Variants in SYN3 observed in about 807,000 individuals in gnomAD.
The protein encoded by SYN3 is synapsin III.
Under a neutral mutation model 65.8 loss-of-function variants are expected in SYN3, and 35 were observed. The observed-to-expected ratio is 0.53, with a 90% CI of 0.41 to 0.70. The LOEUF (loss-of-function observed/expected upper bound fraction) is 0.70, where lower values mean the gene tolerates loss of function less well. SYN3 is among the 30% of genes least tolerant of loss of function. The probability of loss-of-function intolerance (pLI) is 0.00; values close to 1 mark genes in which losing one functional copy is unlikely to be tolerated. For synonymous variants in SYN3, 270 were observed against 292.9 expected (o/e 0.92, Z 0.80); for missense variants, 680 against 749.0 (o/e 0.91, Z 1.08).
In SYN3 at chr22:32,510,697, A is replaced by G. The variant is rs1407427937; in HGVS notation, c.*2995T>C. 6.6e-6 allele frequency among the ~76,000 whole-genome samples: 1 copy of G among 152,154 alleles called. No homozygotes were observed. Among genetic ancestry groups the G allele is most frequent in the East Asian group, 1.9e-4 (1 of 5,192 alleles). ...AACTCCTATAGCTCTCTGTGCTTGA[A>G]TCTTGTAACAGGCTGCTCTTATAAG... On this transcript the variant is annotated 3_prime_UTR_variant, in exon 14 of 14. Coordinates refer to ENST00000358763, the MANE Select transcript of SYN3 (RefSeq NM_003490.4).
At chr22:32,650,279 C>CTTTTTTTTTTTTTTTTTT (rs1371405589) in intron 6 of SYN3, among the ~76,000 whole-genome samples, 2 of 111,818 alleles carry the variant, frequency 1.8e-5, no homozygotes, top group African/African-American at 7.3e-5. Flanking sequence ...CTCTCTCTTT[C>CTTTTTTTTTTTTTTTTTT]TTTTTGAGAC....
At chr22:32,517,718 A>C (rs1256482032) in intron 13 of SYN3, among the ~76,000 whole-genome samples, 2 of 152,216 alleles carry the variant, frequency 1.3e-5, no homozygotes, top group Non-Finnish European at 2.9e-5. Flanking sequence ...CAGAACAAAC[A>C]GCTGAACCAA....
At chr22:32,786,082 C>G (rs1168424790) in intron 6 of SYN3, among the ~76,000 whole-genome samples, 1 of 152,188 alleles carries the variant, frequency 6.6e-6, no homozygotes, top group Non-Finnish European at 1.5e-5. Flanking sequence ...CTTTCCACAT[C>G]CCAAGCAGTG....
chr22:32,699,611 C>A (rs1478661973), intron 6 of SYN3, among the ~76,000 whole-genome samples: 1 of 151,872 alleles, frequency 6.6e-6, no homozygotes, highest in Non-Finnish European at 1.5e-5. Context: ...GCTCTCGGGG[C>A]CCAATTTGTT....
chr22:32,620,415 C>T (rs1555910028), intron 6 of SYN3, among the ~76,000 whole-genome samples: 1 of 152,078 alleles, frequency 6.6e-6, no homozygotes, highest in Non-Finnish European at 1.5e-5. Flanking sequence ...TCTCAGTTTG[C>T]CTTTTGTTTC....
intron 2 of SYN3, among the ~76,000 whole-genome samples, chr22:32,997,061 G>A (rs1327843299): frequency 6.6e-6 from 1 of 152,238 alleles, no homozygotes; most frequent in Non-Finnish European, 1.5e-5. Flanking sequence ...TGAGCTTCAG[G>A]TGGGAGAGGT....
chr22:32,833,436 AAAATGGCTTGACATGG>A (rs1015604118), intron 6 of SYN3, among the ~76,000 whole-genome samples: 3 of 152,190 alleles, frequency 2.0e-5, no homozygotes, highest in African/African-American at 7.2e-5. Context: ...ATAGTCAAAA[AAAATGGCTTGACATGG>A]AACAGGCTGA....
chr22:32,596,605 A>C, intron 7 of SYN3, 69 bp downstream of exon 7: 1 of 1,528,070 alleles, frequency 6.5e-7, no homozygotes, highest in East Asian at 2.3e-5. Flanking sequence ...TGACAGAGGG[A>C]GAGAGGAACA....
intron 6 of SYN3, among the ~76,000 whole-genome samples, chr22:32,756,601 T>C (rs374231099): frequency 2.6e-5 from 4 of 152,290 alleles, no homozygotes; most frequent in East Asian, 3.9e-4. Flanking sequence ...GTTTGGGTCA[T>C]GGGAGTGGAT....
chr22:32,913,287 T>G (rs1451552391), intron 4 of SYN3, among the ~76,000 whole-genome samples: 2 of 151,520 alleles, frequency 1.3e-5, no homozygotes, highest in African/African-American at 4.9e-5. Context: ...TCCTCCAGAG[T>G]AGCTGGGACT....
intron 9 of SYN3, among the ~76,000 whole-genome samples, chr22:32,534,573 C>G (rs915547183): frequency 2.0e-5 from 3 of 152,216 alleles, no homozygotes; most frequent in Non-Finnish European, 4.4e-5. Context: ...CAGATCTCAG[C>G]ACTGGACTCT....
At chr22:32,562,145 A>G (rs780035463) in intron 7 of SYN3, among the ~76,000 whole-genome samples, 3 of 152,174 alleles carry the variant, frequency 2.0e-5, no homozygotes, top group South Asian at 2.1e-4. Flanking sequence ...ATCCCCCCCA[A>G]TACTTAATTC....
At chr22:32,515,933 G>T (rs2057764552) in intron 13 of SYN3, among the ~76,000 whole-genome samples, 1 of 152,006 alleles carries the variant, frequency 6.6e-6, no homozygotes, top group South Asian at 2.1e-4. Flanking sequence ...CTAGCAGCTG[G>T]GACTACAGGC....
At chr22:32,534,328 A>G (rs1361028348) in intron 9 of SYN3, among the ~76,000 whole-genome samples, 1 of 152,056 alleles carries the variant, frequency 6.6e-6, no homozygotes, top group Non-Finnish European at 1.5e-5. Flanking sequence ...CCCTTGGGAA[A>G]GCTGCTCCAA....
chr22:32,735,514 T>C (rs2061327029), intron 6 of SYN3, among the ~76,000 whole-genome samples: 1 of 151,064 alleles, frequency 6.6e-6, no homozygotes, highest in Admixed American at 6.6e-5. Flanking sequence ...TTTGTTTGTT[T>C]GTTTTGTTTT....
At chr22:32,802,410 G>T (rs1377368518) in intron 6 of SYN3, among the ~76,000 whole-genome samples, 2 of 152,028 alleles carry the variant, frequency 1.3e-5, no homozygotes, top group African/African-American at 4.8e-5. Context: ...TCTGGAAAAT[G>T]TCCCCATTCA....
intron 3 of SYN3, among the ~76,000 whole-genome samples, chr22:32,954,520 C>A (rs559477519): frequency 1.3e-5 from 2 of 152,238 alleles, no homozygotes; most frequent in Non-Finnish European, 2.9e-5. Context: ...CTGGGCTCCA[C>A]ATGCTTAGAC....
intron 6 of SYN3, among the ~76,000 whole-genome samples, chr22:32,791,564 A>G (rs928616721): frequency 1.3e-5 from 2 of 151,300 alleles, no homozygotes; most frequent in African/African-American, 2.4e-5. Flanking sequence ...TGGGCATCTG[A>G]CCTTTGCATC....
At chr22:32,820,419 T>C (rs1393362457) in intron 6 of SYN3, among the ~76,000 whole-genome samples, 1 of 151,710 alleles carries the variant, frequency 6.6e-6, no homozygotes, top group Non-Finnish European at 1.5e-5. Flanking sequence ...CCTCTGCTCA[T>C]CCACCCATTC....
Sources: gnomAD v4.1 joint callset for allele counts (sites outside exome capture counted in the v4.1 genomes callset) on GRCh38, gnomAD v4.1.1 for gene constraint, MANE v1.5 for transcripts, NCBI Gene and HGNC (gene_info 2026-07-23, HGNC 2026-07-21) for gene names.